Variants in LMX1A observed in about 807,000 individuals in gnomAD.
LMX1A encodes LIM homeobox transcription factor 1-alpha.
In LMX1A, 15 loss-of-function variants were observed where a neutral mutation model predicts 49.1. The ratio of observed to expected loss-of-function variants is 0.31; its 90% CI spans 0.20 to 0.47. LMX1A has a LOEUF of 0.47. Among genes scored for constraint, LMX1A ranks in the 20% least tolerant of loss-of-function variants. LMX1A has a pLI of 1.00. For missense variants in LMX1A, 372 were observed against 475.8 expected (o/e 0.78, Z 2.03); for synonymous variants, 167 against 185.7 (o/e 0.90, Z 0.82).
chr1:165,266,554 C>A (rs1481401732), intron 3 of LMX1A, among the ~76,000 whole-genome samples: 6 of 149,390 alleles, frequency 4.0e-5, no homozygotes, highest in Non-Finnish European at 8.9e-5. Context: ...TGCAAAGAAG[C>A]AACATGCTGG....
chr1:165,207,949 G>T, intron 7 of LMX1A, 114 bp downstream of exon 7: 1 of 848,570 alleles, frequency 1.2e-6, no homozygotes, highest in Non-Finnish European at 1.9e-6. Context: ...AGTGGGTGTG[G>T]TCTAGGCTTC....
At chr1:165,226,523 G>T (rs919833458) in intron 4 of LMX1A, among the ~76,000 whole-genome samples, 1 of 152,212 alleles carries the variant, frequency 6.6e-6, no homozygotes, top group African/African-American at 2.4e-5. Context: ...GTGCCAGTGA[G>T]ATCTAGAGCA....
At chr1:165,266,391 T>G (rs529059644) in intron 3 of LMX1A, among the ~76,000 whole-genome samples, 1 of 152,014 alleles carries the variant, frequency 6.6e-6, no homozygotes, top group South Asian at 2.1e-4. Flanking sequence ...AATAGTAGAG[T>G]CCAGTGTGGC....
Position 165,249,637 on chromosome 1 carries a change from C to T in LMX1A, c.267G>A (p.Leu89=). Residue 89 remains leucine (L), a synonymous_variant, in exon 4 of 9, where the codon CTG becomes CTA. Coordinates refer to ENST00000342310, the MANE Select transcript of LMX1A (RefSeq NM_177398.4). ...KLYCKYDYEK[L]FAVKCGGCFE... Reference sequence around the variant, plus strand: ...AGCAGCCCCCACATTTAACAGCAAACAGCCTGGCAGCAGGGAGAAAGGAAG... The same window carrying T: ...AGCAGCCCCCACATTTAACAGCAAATAGCCTGGCAGCAGGGAGAAAGGAAG... The T allele has an allele frequency of 6.2e-7, 1 of 1,613,074 alleles. No individual in the cohort carries two copies. Among genetic ancestry groups the T allele is most frequent in the Non-Finnish European group, 8.5e-7 (1 of 1,179,446 alleles).
chr1:165,323,744 C>T (rs2101746168), intron 3 of LMX1A, among the ~76,000 whole-genome samples: 1 of 152,262 alleles, frequency 6.6e-6, no homozygotes, highest in South Asian at 2.1e-4. Context: ...ATGATAAGTC[C>T]TTGCGTGTTT....
intron 3 of LMX1A, among the ~76,000 whole-genome samples, chr1:165,312,199 T>G (rs77449874): frequency 6.6e-6 from 1 of 152,110 alleles, no homozygotes; most frequent in African/African-American, 2.4e-5. Context: ...ACCAGGGCCA[T>G]GAGAACAAGG....
intron 3 of LMX1A, among the ~76,000 whole-genome samples, chr1:165,349,264 T>C (rs1259826629): frequency 6.6e-6 from 1 of 152,240 alleles, no homozygotes. Context: ...GAAGTCCAAC[T>C]GCAGTATTTG....
chr1:165,322,065 A>G (rs1024657852), intron 3 of LMX1A, among the ~76,000 whole-genome samples: 1 of 152,224 alleles, frequency 6.6e-6, no homozygotes, highest in African/African-American at 2.4e-5. Flanking sequence ...GCTAATAAAC[A>G]TATGAAAATA....
intron 4 of LMX1A, among the ~76,000 whole-genome samples, chr1:165,246,431 G>A (rs1362074073): frequency 3.9e-5 from 6 of 152,122 alleles, no homozygotes; most frequent in African/African-American, 1.2e-4. Flanking sequence ...AGTTGAAAGC[G>A]ATAACAGAGG....
At chr1:165,286,366 G>GCT (rs1395490859) in intron 3 of LMX1A, among the ~76,000 whole-genome samples, 1 of 152,156 alleles carries the variant, frequency 6.6e-6, no homozygotes, top group Non-Finnish European at 1.5e-5. Flanking sequence ...CAGCAGCCAG[G>GCT]GAAGAGCCAG....
intron 3 of LMX1A, among the ~76,000 whole-genome samples, chr1:165,292,076 A>C (rs1485305269): frequency 6.6e-6 from 1 of 151,492 alleles, no homozygotes; most frequent in East Asian, 1.9e-4. Flanking sequence ...AAAAAAAAAA[A>C]AAAAAAAAAC....
chr1:165,259,608 C>A (rs1653363539), intron 3 of LMX1A, among the ~76,000 whole-genome samples: 1 of 152,124 alleles, frequency 6.6e-6, no homozygotes, highest in African/African-American at 2.4e-5. Context: ...ACCAAGAGAG[C>A]AGTCAACCTC....
At chr1:165,274,513 T>C in intron 3 of LMX1A, among the ~76,000 whole-genome samples, 1 of 152,328 alleles carries the variant, frequency 6.6e-6, no homozygotes, top group Admixed American at 6.5e-5. Flanking sequence ...CAAGGACTTA[T>C]TGCTGATTCT....
intron 3 of LMX1A, among the ~76,000 whole-genome samples, chr1:165,251,474 A>G (rs1467665261): frequency 1.3e-5 from 2 of 152,178 alleles, no homozygotes; most frequent in African/African-American, 4.8e-5. Context: ...TAGCGAGATG[A>G]GTGAGCAGCT....
Position 165,281,746 on chromosome 1 carries a change from A to ATGTGTGTGTG in LMX1A, c.264-32116_264-32107dup, listed in dbSNP as rs56913866. ...GGCAATATTTTGTGTGTGTGTGTGT[A>ATGTGTGTGTG]TGTGTGTGTGTGTGTGTGTGTGTGT... On this transcript the variant is annotated intron_variant, in intron 3 of 8. Coordinates refer to ENST00000342310, the MANE Select transcript of LMX1A (RefSeq NM_177398.4). Among the ~76,000 whole-genome samples the ATGTGTGTGTG allele has an allele frequency of 1.5e-3, 184 of 125,954 alleles. 1 individual carries two copies. The highest frequency in any genetic ancestry group is 4.8e-3 in the African/African-American group (181 of 37,524). The allele number at this position is 125,954 out of a possible 152,430, so 82.6% of individuals were successfully genotyped here. A position where few individuals can be genotyped will look rare whatever the true frequency, so the allele number is the denominator to read the frequency against.
chr1:165,269,247 T>A lies in LMX1A; in HGVS notation c.264-19607A>T, dbSNP rs539111452. ...GCTGCTTAGAATATCCTGCCGAGAATCAGCTTCCCTAAGGTTTGTTTGCGC... is the reference window on the plus strand; with the variant it reads ...GCTGCTTAGAATATCCTGCCGAGAAACAGCTTCCCTAAGGTTTGTTTGCGC... On this transcript the variant is annotated intron_variant, in intron 3 of 8. Transcript: ENST00000342310. Among the ~76,000 whole-genome samples the A allele has an allele frequency of 2.6e-5, 4 of 152,358 alleles. No individual in the cohort carries two copies. In the East Asian group the frequency reaches 7.7e-4, roughly 29 times the overall value.
At chr1:165,222,226 C>G (rs900540018) in intron 4 of LMX1A, among the ~76,000 whole-genome samples, 4 of 152,288 alleles carry the variant, frequency 2.6e-5, no homozygotes, top group South Asian at 2.1e-4. Context: ...ATTTGGCCAG[C>G]CTCCAAGAAG....
At chr1:165,236,328 A>G (rs932752493) in intron 4 of LMX1A, among the ~76,000 whole-genome samples, 1 of 151,980 alleles carries the variant, frequency 6.6e-6, no homozygotes, top group Non-Finnish European at 1.5e-5. Context: ...CTTTTTCCCT[A>G]TCATAAATCA....
intron 3 of LMX1A, among the ~76,000 whole-genome samples, chr1:165,350,080 C>T (rs954079674): frequency 2.0e-5 from 3 of 150,530 alleles, no homozygotes; most frequent in Non-Finnish European, 2.9e-5. Flanking sequence ...TAAGTGCTCC[C>T]TAATTTACCA....
Sources: allele counts gnomAD v4.1 joint callset (sites outside exome capture counted in the v4.1 genomes callset), GRCh38; gene constraint gnomAD v4.1.1; transcripts MANE v1.5; gene names NCBI Gene and HGNC (gene_info 2026-07-23, HGNC 2026-07-21).